Variants in FAM13B observed in about 807,000 individuals in gnomAD.
FAM13B encodes the protein protein FAM13B.
A neutral mutation model predicts 117.3 loss-of-function variants in FAM13B; 60 were observed. The ratio of observed to expected loss-of-function variants is 0.51; its 90% CI spans 0.42 to 0.63. The LOEUF is 0.63. Among genes scored for constraint, FAM13B ranks in the 30% least tolerant of loss-of-function variants. The probability of loss-of-function intolerance (pLI) is 0.00; values close to 1 mark genes in which losing one functional copy is unlikely to be tolerated. For missense variants in FAM13B, 972 were observed against 1,091.9 expected (o/e 0.89, Z 1.55); for synonymous variants, 332 against 356.1 (o/e 0.93, Z 0.76).
intron 10 of FAM13B, among the ~76,000 whole-genome samples, chr5:137,983,366 G>A (rs1289826636): frequency 3.3e-5 from 5 of 152,002 alleles, no homozygotes; most frequent in African/African-American, 7.3e-5. Context: ...ATGAATGGTC[G>A]GAGGAAAGGA....
chr5:138,004,372 G>A (rs377736297), intron 7 of FAM13B, among the ~76,000 whole-genome samples: 4 of 152,164 alleles, frequency 2.6e-5, no homozygotes, highest in Admixed American at 6.5e-5. Context: ...GAAGCTATTA[G>A]TAATATGTAT....
upstream of FAM13B, chr5:138,036,869 T>C (rs1294359710): frequency 5.9e-6 from 2 of 340,012 alleles, no homozygotes; most frequent in African/African-American, 2.2e-5. Flanking sequence ...ACTTTTTTTT[T>C]CCTTCTGAAT....
chr5:137,995,134 A>C (rs1163535767), intron 7 of FAM13B, among the ~76,000 whole-genome samples: 1 of 152,156 alleles, frequency 6.6e-6, no homozygotes, highest in East Asian at 1.9e-4. Context: ...AAAACTGCTG[A>C]GCAATTATTA....
chr5:138,042,400 T>C (rs1174833806), intron 1 of FAM13B, among the ~76,000 whole-genome samples: 1 of 152,154 alleles, frequency 6.6e-6, no homozygotes, highest in African/African-American at 2.4e-5. Context: ...ATATTCCATT[T>C]CTTAACCTAG....
At chr5:137,967,632 T>C (rs1359975928) in intron 10 of FAM13B, among the ~76,000 whole-genome samples, 1 of 152,062 alleles carries the variant, frequency 6.6e-6, no homozygotes, top group Non-Finnish European at 1.5e-5. Context: ...GTGGCTCACA[T>C]CTGTAATTCC....
Position 137,949,038 on chromosome 5 carries a change from G to T in FAM13B, c.2077C>A (p.Pro693Thr), listed in dbSNP as rs776292046. 54 of 1,613,978 alleles carry T rather than the reference G, an allele frequency of 3.3e-5. No individual in the cohort carries two copies. Among genetic ancestry groups the T allele is most frequent in the Non-Finnish European group, 4.5e-5 (53 of 1,180,010 alleles). Residue 693 changes from proline (P) to threonine (T), a missense_variant, in exon 18 of 24, where the codon CCA (proline) becomes ACA (threonine). Coordinates refer to ENST00000689681, the MANE Select transcript of FAM13B (RefSeq NM_001385994.1). ...AGTTCAAGGGTTGCTTCTTTAGATGGTTTTTTCTCCTTCTGAATGACCTTG... is the reference window on the plus strand; with the variant it reads ...AGTTCAAGGGTTGCTTCTTTAGATGTTTTTTTCTCCTTCTGAATGACCTTG... Reference protein sequence around the residue: ...EPKVIQKEKKPSKEATLELIL... With the variant: ...EPKVIQKEKKTSKEATLELIL...
chr5:137,959,587 A>G, intron 13 of FAM13B, 29 bp downstream of exon 13: 2 of 1,611,302 alleles, frequency 1.2e-6, no homozygotes, highest in Non-Finnish European at 1.7e-6. Flanking sequence ...TAACATTATC[A>G]GGAAAATAAT....
chr5:137,944,721 GCACTC>G (rs1762942798), intron 20 of FAM13B, among the ~76,000 whole-genome samples: 1 of 150,064 alleles, frequency 6.7e-6, no homozygotes, highest in Non-Finnish European at 1.5e-5. Flanking sequence ...TCACACCACT[GCACTC>G]CAGCCTGGAT....
intron 7 of FAM13B, among the ~76,000 whole-genome samples, chr5:138,002,249 T>C (rs1781451364): frequency 6.6e-6 from 1 of 152,072 alleles, no homozygotes; most frequent in Admixed American, 6.6e-5. Context: ...TCAATGGAAG[T>C]TGGGTGCAGT....
intron 4 of FAM13B, 106 bp downstream of exon 4, chr5:138,018,196 A>C (rs1424571692): frequency 3.1e-6 from 3 of 963,256 alleles, no homozygotes; most frequent in Admixed American, 2.7e-5. Context: ...ATAACAAATT[A>C]ATCTCTAAAA....
intron 10 of FAM13B, among the ~76,000 whole-genome samples, chr5:137,969,891 G>A (rs1771490572): frequency 6.6e-6 from 1 of 152,108 alleles, no homozygotes; most frequent in African/African-American, 2.4e-5. Flanking sequence ...GAAATGAAGC[G>A]AGAAGGGAAG....
At chr5:138,030,530 A>T (rs1264477770) in intron 1 of FAM13B, among the ~76,000 whole-genome samples, 1 of 150,556 alleles carries the variant, frequency 6.6e-6, no homozygotes, top group African/African-American at 2.4e-5. Flanking sequence ...TACAGGCGTG[A>T]GCCTGGCTTA....
chr5:138,018,166 C>A, intron 4 of FAM13B, 136 bp downstream of exon 4: 2 of 777,244 alleles, frequency 2.6e-6, no homozygotes, highest in South Asian at 1.9e-5. Context: ...ATCATACAAC[C>A]CCAAAAAGCA....
intron 7 of FAM13B, among the ~76,000 whole-genome samples, chr5:137,994,398 T>C (rs1224798646): frequency 6.6e-6 from 1 of 152,256 alleles, no homozygotes; most frequent in African/African-American, 2.4e-5. Context: ...AGATTTTAAT[T>C]ATTCTTTATT....
upstream of FAM13B, chr5:138,034,210 C>T (rs1790837804): frequency 2.0e-5 from 3 of 152,246 alleles, no homozygotes; most frequent in South Asian, 6.2e-4. Context: ...AACGAGGCAA[C>T]TGATTCTAAT....
intron 7 of FAM13B, among the ~76,000 whole-genome samples, chr5:137,991,318 A>C (rs1778557335): frequency 6.6e-6 from 1 of 152,242 alleles, no homozygotes; most frequent in African/African-American, 2.4e-5. Context: ...ATAATATCAG[A>C]AATTGTCTTT....
intron 12 of FAM13B, 56 bp from the exon 13 acceptor site, chr5:137,959,819 C>G (rs1457505740): frequency 6.5e-7 from 1 of 1,544,000 alleles, no homozygotes; most frequent in Non-Finnish European, 8.9e-7. Flanking sequence ...TCACACCCAG[C>G]TTAAACACAT....
chr5:137,942,347 C>A, intron 22 of FAM13B: 1 of 315,258 alleles, frequency 3.2e-6, no homozygotes, highest in Admixed American at 4.5e-5. Context: ...TGTTATAAAT[C>A]AACTGTAGGA....
intron 10 of FAM13B, among the ~76,000 whole-genome samples, chr5:137,965,909 A>T (rs754429327): frequency 2.6e-5 from 4 of 152,156 alleles, no homozygotes; most frequent in Non-Finnish European, 5.9e-5. Context: ...CTGATGATAA[A>T]TCCAGGTATT....
Sources: allele counts gnomAD v4.1 joint callset (sites outside exome capture counted in the v4.1 genomes callset), GRCh38; gene constraint gnomAD v4.1.1; transcripts MANE v1.5; gene names NCBI Gene and HGNC (gene_info 2026-07-23, HGNC 2026-07-21).